The following TRIP12 variants were observed in gnomAD, a reference collection of about 807,000 sequenced individuals.
The protein encoded by TRIP12 is E3 ubiquitin-protein ligase TRIP12.
Under a neutral mutation model 244.2 loss-of-function variants are expected in TRIP12, and 25 were observed. The ratio of observed to expected loss-of-function variants is 0.10; its 90% CI spans 0.07 to 0.14. The LOEUF is 0.14. Among genes scored for constraint, TRIP12 ranks in the 10% least tolerant of loss-of-function variants. TRIP12 has a pLI of 1.00. For synonymous variants in TRIP12, 905 were observed against 873.1 expected (o/e 1.04, Z -0.64); for missense variants, 1,677 against 2,486.4 (o/e 0.67, Z 6.92).
rs936465762 is a variant in TRIP12, at chr2:229,867,111, T to G, written c.99-6580A>C. On this transcript the variant is annotated intron_variant, in intron 2 of 41. Transcript: ENST00000675903. ...ACACATAGAGGGTTTTTTTTTTTGT[T>G]TTTTTTTTTAAGTGTAGGCTATGGT... Among the ~76,000 whole-genome samples the G allele has an allele frequency of 8.0e-5, 12 of 149,816 alleles. No individual in the cohort carries two copies. The South Asian group carries it at 2.1e-3, about 27-fold the overall frequency.
chr2:229,765,626 G>A lies in TRIP12; in HGVS notation c.*1928C>T, dbSNP rs756119866. 2 of 152,202 alleles carry A rather than the reference G, an allele frequency of 1.3e-5. No homozygotes were observed. Among genetic ancestry groups the A allele is most frequent in the Non-Finnish European group, 1.5e-5 (1 of 68,026 alleles). 9.4% of individuals were successfully genotyped at this position (152,202 alleles called of 1,614,324 possible). On this transcript the variant is annotated 3_prime_UTR_variant, in exon 42 of 42. Transcript: ENST00000675903. Reference sequence around the variant, plus strand: ...ATGAAACATTATTTTGTTTATACATGTCTAAATTTTAACAGAACCCTTTAA... The same window carrying A: ...ATGAAACATTATTTTGTTTATACATATCTAAATTTTAACAGAACCCTTTAA...
rs572511378 is a variant in TRIP12, at chr2:229,848,334, C to A, written c.1028-7407G>T. On this transcript the variant is annotated intron_variant, in intron 4 of 41. Transcript: ENST00000675903. ...AAATGCAGGCCCCCCCCGCCCCCCC[C>A]ACACACACAAATACTTGAGATTACA... Among the ~76,000 whole-genome samples, 118 of 139,536 alleles carry A rather than the reference C, an allele frequency of 8.5e-4. 2 individuals are homozygous for A. In the East Asian group the frequency reaches 0.019, roughly 23 times the overall value. 91.5% of individuals were successfully genotyped at this position (139,536 alleles called of 152,430 possible).
intron 29 of TRIP12, 68 bp downstream of exon 29, chr2:229,791,798 T>A: frequency 6.5e-7 from 1 of 1,531,782 alleles, no homozygotes; most frequent in South Asian, 1.2e-5. Flanking sequence ...TAAGTTAATG[T>A]GAATTCTAAA....
chr2:229,821,074 G>T (rs1312697254), intron 8 of TRIP12, among the ~76,000 whole-genome samples: 9 of 152,124 alleles, frequency 5.9e-5, no homozygotes, highest in Admixed American at 5.9e-4. Flanking sequence ...GTATTAAAAA[G>T]ACATGTCTTG....
intron 34 of TRIP12, among the ~76,000 whole-genome samples, chr2:229,781,802 C>T (rs2038260575): frequency 6.6e-6 from 1 of 152,186 alleles, no homozygotes; most frequent in African/African-American, 2.4e-5. Flanking sequence ...ACCTGAAGCC[C>T]TATGCATCTC....
rs750760154 is a variant in TRIP12, at chr2:229,789,591, A to G, written c.4695+20T>C. ...CAATCACAGACCATGAAAACTTCAT[A>G]AATAGGCAACATTACTCACATCATA... On this transcript the variant is annotated intron_variant, in intron 31 of 41. Transcript: ENST00000675903. 1 of 1,605,274 alleles carries G rather than the reference A, an allele frequency of 6.2e-7. No individual in the cohort carries two copies. The highest frequency in any genetic ancestry group is 1.1e-5 in the South Asian group (1 of 89,666).
intron 1 of TRIP12, among the ~76,000 whole-genome samples, chr2:229,920,891 AGAAG>A (rs2076397660): frequency 6.6e-6 from 1 of 152,166 alleles, no homozygotes; most frequent in South Asian, 2.1e-4. Flanking sequence ...CTCACTATGG[AGAAG>A]GAAGGAGAGG....
At chr2:229,793,850 G>GC (rs751800898) in intron 26 of TRIP12, among the ~76,000 whole-genome samples, 2 of 146,780 alleles carry the variant, frequency 1.4e-5, no homozygotes, top group South Asian at 2.1e-4. Context: ...TACAATGAGT[G>GC]TTTTTTTTTT....
chr2:229,778,862 C>G lies in TRIP12; in HGVS notation c.5209+14G>C. 6.2e-7 allele frequency: 1 copy of G among 1,609,960 alleles called. No homozygotes were observed. ...TGAGTAACACAAACCAACTAACTTA[C>G]AGATAGGCATTACCTTTTGGATTGC... On this transcript the variant is annotated intron_variant, in intron 35 of 41. Transcript: ENST00000675903. This position sits in a 1 kb window ranked among gnomAD's most constrained non-coding sequence, Gnocchi z 4.1.
chr2:229,831,096 T>A (rs1023056085), intron 6 of TRIP12: 18 of 708,438 alleles, frequency 2.5e-5, no homozygotes, highest in Non-Finnish European at 4.4e-5. Context: ...TTTGACAAAT[T>A]TCTTGTGCCG....
rs533223705 is a variant in TRIP12 at position 229,799,483 on chromosome 2, A to G, written c.3207-100T>C. On this transcript the variant is annotated intron_variant, in intron 21 of 41. Transcript: ENST00000675903. ...TAAAATGGCAGAAACAGGGAGTAAT[A>G]AAATACTGTCAGGCCGGGCGCGGTG... The G allele has an allele frequency of 3.9e-5, 44 of 1,115,162 alleles. No individual in the cohort carries two copies. The East Asian group carries it at 9.9e-4, about 25-fold the overall frequency. The allele number at this position is 1,115,162 out of a possible 1,614,324, so 69.1% of individuals were successfully genotyped here. A position where few individuals can be genotyped will look rare whatever the true frequency, so the allele number is the denominator to read the frequency against.
intron 21 of TRIP12, among the ~76,000 whole-genome samples, chr2:229,801,981 G>A (rs2044490974): frequency 6.6e-6 from 1 of 152,164 alleles, no homozygotes; most frequent in Non-Finnish European, 1.5e-5. Flanking sequence ...TAACATAAGT[G>A]TGTAACACCG....
intron 2 of TRIP12, among the ~76,000 whole-genome samples, chr2:229,878,871 C>A (rs373866047): frequency 2.0e-4 from 30 of 152,014 alleles, no homozygotes; most frequent in Middle Eastern, 3.4e-3. Flanking sequence ...TGTGAGCCAC[C>A]GCGCCCGGCC....
intron 21 of TRIP12, among the ~76,000 whole-genome samples, chr2:229,801,713 A>C (rs2044396196): frequency 6.6e-6 from 1 of 152,264 alleles, no homozygotes; most frequent in Non-Finnish European, 1.5e-5. Context: ...GCTGATAAAT[A>C]AATGGGAGTA....
chr2:229,826,609 T>C (rs1477366789), intron 8 of TRIP12, among the ~76,000 whole-genome samples: 2 of 152,206 alleles, frequency 1.3e-5, no homozygotes, highest in Non-Finnish European at 2.9e-5. Flanking sequence ...TTTTGTCATG[T>C]AAACATCATA....
At chr2:229,779,072 T>A in intron 34 of TRIP12, 82 bp from the exon 35 acceptor site, 2 of 1,072,436 alleles carry the variant, frequency 1.9e-6, no homozygotes, top group Non-Finnish European at 2.9e-6. Flanking sequence ...ATGTGCACAC[T>A]AACAGCAACT....
upstream of TRIP12, chr2:229,922,579 C>A (rs1417932696): frequency 6.2e-7 from 1 of 1,614,114 alleles, no homozygotes; most frequent in Admixed American, 1.7e-5. Context: ...CTAGCAAAGA[C>A]TATTACCAGT....
chr2:229,820,968 A>T (rs954457023), intron 8 of TRIP12, among the ~76,000 whole-genome samples: 1 of 152,218 alleles, frequency 6.6e-6, no homozygotes, highest in African/African-American at 2.4e-5. Context: ...ATTTATTTTT[A>T]AAATCCATGA....
rs529327703 is a variant in TRIP12, at chr2:229,864,077, T to C, written c.99-3546A>G. Among the ~76,000 whole-genome samples the C allele has an allele frequency of 8.5e-3, 1,193 of 140,640 alleles. 14 individuals are homozygous for C. Among genetic ancestry groups the C allele is most frequent in the African/African-American group, 0.028 (1,045 of 37,950 alleles). 92.3% of individuals were successfully genotyped at this position (140,640 alleles called of 152,430 possible). On this transcript the variant is annotated intron_variant, in intron 2 of 41. Transcript: ENST00000675903. Reference sequence around the variant, plus strand: ...GTGTGTGTGTGTGTGTGTGTGTGTGTGCACGCGCACACGTGCACACATGTG... The same window carrying C: ...GTGTGTGTGTGTGTGTGTGTGTGTGCGCACGCGCACACGTGCACACATGTG...
Sources: gnomAD v4.1 joint callset for allele counts (sites outside exome capture counted in the v4.1 genomes callset) on GRCh38, gnomAD v4.1.1 for gene constraint, Gnocchi (gnomAD v3.1) non-coding constraint, MANE v1.5 for transcripts, NCBI Gene and HGNC (gene_info 2026-07-23, HGNC 2026-07-21) for gene names.